MED12L: variants seen among roughly 807,000 people sequenced by gnomAD.
The protein encoded by MED12L is mediator of RNA polymerase II transcription subunit 12-like protein.
In MED12L, 60 loss-of-function variants were observed where a neutral mutation model predicts 281.3. The ratio of observed to expected loss-of-function variants is 0.21; its 90% CI spans 0.17 to 0.26. MED12L has a LOEUF of 0.26. MED12L is among the 10% of genes least tolerant of loss of function. The pLI is 1.00. For missense variants in MED12L, 2,146 were observed against 2,680.9 expected, an observed-to-expected ratio of 0.80 and a Z score of 4.41; for synonymous variants, 974 against 987.2, an observed-to-expected ratio of 0.99 and a Z score of 0.25.
At chr3:151,416,450 A>T in intron 43 of MED12L, 28 bp downstream of exon 43, 1 of 1,608,776 alleles carries the variant, frequency 6.2e-7, no homozygotes, top group Non-Finnish European at 8.5e-7. Context: ...GGAATCAGAC[A>T]TGTGGGTTTC....
At chr3:151,217,553 C>T (rs941734787) in intron 16 of MED12L, among the ~76,000 whole-genome samples, 1 of 152,226 alleles carries the variant, frequency 6.6e-6, no homozygotes, top group African/African-American at 2.4e-5. Flanking sequence ...TCCCCAAACA[C>T]TGCTATTTTG....
intron 16 of MED12L, among the ~76,000 whole-genome samples, chr3:151,262,899 G>C (rs1403712782): frequency 6.6e-6 from 1 of 152,170 alleles, no homozygotes; most frequent in African/African-American, 2.4e-5. Context: ...AGTAAGGCTT[G>C]GTGAGGTTAA....
At chr3:151,269,916 GTGT>G in intron 16 of MED12L, 1 of 451,954 alleles carries the variant, frequency 2.2e-6, no homozygotes, top group Non-Finnish European at 4.4e-6. Context: ...TCTGATGCAG[GTGT>G]TGTTGAGTTG....
intron 16 of MED12L, among the ~76,000 whole-genome samples, chr3:151,233,901 TC>T (rs1158696531): frequency 6.6e-6 from 1 of 152,238 alleles, no homozygotes; most frequent in African/African-American, 2.4e-5. Flanking sequence ...ATGATTTTAG[TC>T]CATGTGTACA....
chr3:151,214,046 C>G, intron 16 of MED12L: 1 of 1,614,138 alleles, frequency 6.2e-7, no homozygotes, highest in Non-Finnish European at 8.5e-7. Context: ...CACACAAACA[C>G]GTTCAGCTGC....
At chr3:151,166,062 C>T (rs369329793) in intron 11 of MED12L, 80 bp downstream of exon 11, 14 of 1,248,082 alleles carry the variant, frequency 1.1e-5, no homozygotes, top group African/African-American at 3.0e-5. Flanking sequence ...GAAACTCTGG[C>T]GAAACCTTTT....
chr3:151,193,474 G>A lies in MED12L; in HGVS notation c.2074-16G>A. On this transcript the variant is annotated splice_polypyrimidine_tract_variant and intron_variant, in intron 15 of 44. Transcript: ENST00000687756. The stretch of plus-strand genomic sequence containing the variant: ...CTTTCATTTACAATCTCCAACATTT[G>A]TTTTACATGACTTAGATTTTTTCTC... The A allele has an allele frequency of 6.2e-7, 1 of 1,604,448 alleles. No individual in the cohort carries two copies. The highest frequency in any genetic ancestry group is 8.5e-7 in the Non-Finnish European group (1 of 1,174,206).
At chr3:151,094,874 G>A (rs1306647805) in intron 2 of MED12L, among the ~76,000 whole-genome samples, 1 of 152,178 alleles carries the variant, frequency 6.6e-6, no homozygotes, top group African/African-American at 2.4e-5. Context: ...AGAGAAATGG[G>A]TTTCTGTTAG....
chr3:151,161,287 A>G (rs1719950522), intron 8 of MED12L, among the ~76,000 whole-genome samples: 2 of 151,250 alleles, frequency 1.3e-5, no homozygotes, highest in East Asian at 2.0e-4. Context: ...CCAAATGGAT[A>G]TGTTCAAGAG....
intron 38 of MED12L, among the ~76,000 whole-genome samples, chr3:151,394,195 A>G (rs1018684671): frequency 6.6e-6 from 1 of 152,176 alleles, no homozygotes; most frequent in African/African-American, 2.4e-5. Context: ...TAAAACAGGC[A>G]TTTTCATTTT....
chr3:151,435,707 A>ATCAT lies in MED12L; in HGVS notation c.*2905_*2908dup, dbSNP rs1282050115. The ATCAT allele has an allele frequency of 1.3e-5, 2 of 152,210 alleles. No homozygotes were observed. Among genetic ancestry groups the ATCAT allele is most frequent in the Non-Finnish European group, 2.9e-5 (2 of 68,036 alleles). The allele number at this position is 152,210 out of a possible 1,614,324, so 9.4% of individuals were successfully genotyped here. ...CCACCCCTAGATTTAGATAAGATCA[A>ATCAT]TCATTTAATATTCCCCAAATTAATT... On this transcript the variant is annotated 3_prime_UTR_variant, in exon 45 of 45. Coordinates refer to ENST00000687756, the MANE Select transcript of MED12L (RefSeq NM_001393769.1).
At chr3:151,305,946 A>G (rs547267539) in intron 16 of MED12L, among the ~76,000 whole-genome samples, 5 of 152,208 alleles carry the variant, frequency 3.3e-5, no homozygotes, top group Non-Finnish European at 7.3e-5. Flanking sequence ...TGAACAATCC[A>G]GCACTATTAG....
At chr3:151,115,852 G>GT (rs1205883300) in intron 2 of MED12L, among the ~76,000 whole-genome samples, 1 of 151,570 alleles carries the variant, frequency 6.6e-6, no homozygotes, top group Non-Finnish European at 1.5e-5. Flanking sequence ...GAGGTCAGGA[G>GT]TTTGAGATCA....
intron 16 of MED12L, among the ~76,000 whole-genome samples, chr3:151,255,721 C>A (rs1380328119): frequency 1.3e-5 from 2 of 152,144 alleles, no homozygotes; most frequent in Non-Finnish European, 2.9e-5. Context: ...TTTACTCCAG[C>A]ATAGAGACAA....
intron 5 of MED12L, among the ~76,000 whole-genome samples, chr3:151,137,120 C>G (rs1036363250): frequency 6.7e-6 from 1 of 149,074 alleles, no homozygotes; most frequent in African/African-American, 2.5e-5. Context: ...TGAGATCGCA[C>G]CACTGCACTC....
chr3:151,329,409 G>T (rs540656328), intron 16 of MED12L: 7 of 918,736 alleles, frequency 7.6e-6, no homozygotes, highest in Admixed American at 7.6e-5. Flanking sequence ...TAACTTTAAA[G>T]CACCTTTTTT....
intron 16 of MED12L, chr3:151,212,066 GAGGA>G (rs2149212175): frequency 6.6e-6 from 1 of 152,294 alleles, no homozygotes; most frequent in Admixed American, 6.5e-5. Flanking sequence ...TCTTGACTGT[GAGGA>G]AATCTGGTAA....
At chr3:151,121,446 T>G (rs536388593) in intron 3 of MED12L, among the ~76,000 whole-genome samples, 10 of 152,350 alleles carry the variant, frequency 6.6e-5, no homozygotes, top group African/African-American at 2.4e-4. Flanking sequence ...ATAGATGAAT[T>G]TGGCTAATGG....
rs186147438 is a variant in MED12L, at chr3:151,104,473, C to T, written c.100-11865C>T. ...TCAGTCCCTATTGCTGTGCAGTCAG[C>T]GGCCGAGATGTCTGCTTATCCAGAG... is the stretch of plus-strand genomic sequence containing the variant. On this transcript the variant is annotated intron_variant, in intron 2 of 44. Coordinates refer to ENST00000687756, the MANE Select transcript of MED12L (RefSeq NM_001393769.1). Among the ~76,000 whole-genome samples, 23 of 152,270 alleles carry T rather than the reference C, an allele frequency of 1.5e-4. 1 individual carries two copies. In the South Asian group the frequency reaches 4.1e-3, roughly 27 times the overall value.
Sources: allele counts gnomAD v4.1 joint callset (sites outside exome capture counted in the v4.1 genomes callset), GRCh38; gene constraint gnomAD v4.1.1; transcripts MANE v1.5; gene names NCBI Gene and HGNC (gene_info 2026-07-23, HGNC 2026-07-21).